METTL8: variants seen among roughly 807,000 people sequenced by gnomAD.
METTL8 encodes the protein tRNA N(3)-cytidine methyltransferase METTL8, mitochondrial.
In METTL8, 32 loss-of-function variants were observed where a neutral mutation model predicts 48.7. That is an observed-to-expected ratio of 0.66 (90% CI 0.50 to 0.88). METTL8 has a LOEUF of 0.88. Ranked by LOEUF, METTL8 falls within the 40% of genes least tolerant of loss-of-function variation. METTL8 has a pLI of 0.00. For synonymous variants in METTL8, 136 were observed against 157.1 expected (o/e 0.87, Z 1.01); for missense variants, 464 against 474.4 (o/e 0.98, Z 0.20).
chr2:171,336,969 C>T (rs1013514587), intron 5 of METTL8, among the ~76,000 whole-genome samples: 2 of 144,968 alleles, frequency 1.4e-5, no homozygotes, highest in Non-Finnish European at 3.0e-5. Context: ...CTGGTTCAAG[C>T]AGATTCTCCT....
At chr2:171,433,478 T>TA (rs561353653) in intron 1 of METTL8, among the ~76,000 whole-genome samples, 69 of 152,216 alleles carry the variant, frequency 4.5e-4, no homozygotes, top group African/African-American at 1.5e-3. Context: ...TTAAGGGACT[T>TA]AGAGCATGGC....
intron 1 of METTL8, among the ~76,000 whole-genome samples, chr2:171,409,709 G>A (rs1033366175): frequency 2.0e-5 from 3 of 152,158 alleles, no homozygotes; most frequent in Admixed American, 6.5e-5. Flanking sequence ...TCAGGGACGC[G>A]GCAGGGCAGA....
At chr2:171,423,072 G>A (rs534991337) in intron 1 of METTL8, among the ~76,000 whole-genome samples, 2 of 152,286 alleles carry the variant, frequency 1.3e-5, no homozygotes, top group Admixed American at 1.3e-4. Flanking sequence ...CATGAGATCT[G>A]AGGGTTTATA....
intron 2 of METTL8, among the ~76,000 whole-genome samples, chr2:171,369,785 A>C (rs1479101861): frequency 6.6e-6 from 1 of 152,188 alleles, no homozygotes; most frequent in East Asian, 1.9e-4. Context: ...TTATTCAATT[A>C]GGCTGGTCAC....
intron 1 of METTL8, among the ~76,000 whole-genome samples, chr2:171,399,621 T>C (rs2105588425): frequency 6.6e-6 from 1 of 152,278 alleles, no homozygotes; most frequent in South Asian, 2.1e-4. Context: ...ACCACTAAAA[T>C]GGGATCCTTT....
intron 3 of METTL8, among the ~76,000 whole-genome samples, chr2:171,352,809 G>A (rs1293523332): frequency 6.6e-6 from 1 of 152,188 alleles, no homozygotes; most frequent in Non-Finnish European, 1.5e-5. Flanking sequence ...GGGATCAGTG[G>A]TGATATCCCC....
intron 4 of METTL8, among the ~76,000 whole-genome samples, chr2:171,338,043 C>A (rs1686303760): frequency 6.6e-6 from 1 of 152,002 alleles, no homozygotes; most frequent in Non-Finnish European, 1.5e-5. Flanking sequence ...AGCAAGTGGG[C>A]AATATGTTTT....
chr2:171,350,118 C>A (rs1371972358), intron 3 of METTL8, among the ~76,000 whole-genome samples: 8 of 152,164 alleles, frequency 5.3e-5, no homozygotes, highest in African/African-American at 1.9e-4. Flanking sequence ...CCCACTCCCG[C>A]CACCCCACAA....
intron 2 of METTL8, among the ~76,000 whole-genome samples, chr2:171,376,135 G>A (rs1034072769): frequency 1.1e-4 from 17 of 152,136 alleles, no homozygotes; most frequent in African/African-American, 4.1e-4. Flanking sequence ...CAACATTGTT[G>A]AGTCATCTCT....
At chr2:171,361,511 C>T (rs1381052200) in intron 2 of METTL8, among the ~76,000 whole-genome samples, 2 of 152,100 alleles carry the variant, frequency 1.3e-5, no homozygotes, top group African/African-American at 4.8e-5. Flanking sequence ...TTAGGATGAT[C>T]ATAATTATAA....
chr2:171,363,767 G>C (rs1385646822), intron 2 of METTL8, among the ~76,000 whole-genome samples: 1 of 119,454 alleles, frequency 8.4e-6, no homozygotes, highest in Admixed American at 8.3e-5. Context: ...TATAAAATGA[G>C]GTTAAAAAAG....
At chr2:171,396,302 T>C (rs978311211) in intron 1 of METTL8, among the ~76,000 whole-genome samples, 4 of 150,526 alleles carry the variant, frequency 2.7e-5, no homozygotes, top group African/African-American at 9.8e-5. Flanking sequence ...TAAAAATAAA[T>C]CCCAAAGTAT....
At chr2:171,330,454 C>T in intron 7 of METTL8, 105 bp downstream of exon 7, 2 of 1,124,068 alleles carry the variant, frequency 1.8e-6, no homozygotes, top group Non-Finnish European at 2.6e-6. Flanking sequence ...ATGTTGCTCA[C>T]TAAATAATAA....
intron 3 of METTL8, among the ~76,000 whole-genome samples, chr2:171,356,910 G>A (rs1409072087): frequency 7.0e-6 from 1 of 143,662 alleles, no homozygotes; most frequent in African/African-American, 2.5e-5. Flanking sequence ...GGGCAGCTAA[G>A]TTGGAAAGGA....
chr2:171,330,163 T>C (rs1420439681), intron 7 of METTL8, among the ~76,000 whole-genome samples: 1 of 152,160 alleles, frequency 6.6e-6, no homozygotes, highest in Admixed American at 6.5e-5. Context: ...GCCAAACAGA[T>C]CCCAAGCCCA....
chr2:171,389,731 G>A (rs1035921419), intron 2 of METTL8, among the ~76,000 whole-genome samples: 1 of 152,090 alleles, frequency 6.6e-6, no homozygotes, highest in East Asian at 1.9e-4. Flanking sequence ...AGCTGCAGAA[G>A]AAAAGTGAAG....
intron 1 of METTL8, among the ~76,000 whole-genome samples, chr2:171,425,673 A>G (rs1468438258): frequency 6.6e-6 from 1 of 152,224 alleles, no homozygotes; most frequent in Non-Finnish European, 1.5e-5. Context: ...CAGCCTGGTG[A>G]GATCCTGAGC....
At chr2:171,430,766 T>C (rs1278010323) in intron 1 of METTL8, among the ~76,000 whole-genome samples, 1 of 152,184 alleles carries the variant, frequency 6.6e-6, no homozygotes, top group East Asian at 1.9e-4. Context: ...GCTTAAAGCC[T>C]AGCTACATGT....
At position 171,321,965 on chromosome 2, in the gene METTL8, T is replaced by A. The variant is rs1166121912; in HGVS notation, c.*2207A>T. ...TTTGAAGCAAGGGAGTAAATAAATT[T>A]TTTTTTTTTTTTTTGATACGCAGTC... On this transcript the variant is annotated 3_prime_UTR_variant, in exon 10 of 10. Transcript: ENST00000375258. 6.6e-6 allele frequency: 1 copy of A among 150,388 alleles called. No individual in the cohort carries two copies. Among genetic ancestry groups the A allele is most frequent in the African/African-American group, 2.4e-5 (1 of 41,148 alleles). 9.3% of individuals were successfully genotyped at this position (150,388 alleles called of 1,614,324 possible). A position where few individuals can be genotyped will look rare whatever the true frequency, so the allele number is the denominator to read the frequency against.
Sources: allele counts gnomAD v4.1 joint callset (sites outside exome capture counted in the v4.1 genomes callset), GRCh38; gene constraint gnomAD v4.1.1; transcripts MANE v1.5; gene names NCBI Gene and HGNC (gene_info 2026-07-23, HGNC 2026-07-21).